The following BTBD9 variants were observed in gnomAD, a reference collection of about 807,000 sequenced individuals.
BTBD9 encodes BTB domain containing 9, also known as BTB/POZ domain-containing protein 9.
A neutral mutation model predicts 64.3 loss-of-function variants in BTBD9; 49 were observed. That is an observed-to-expected ratio of 0.76 (90% CI 0.61 to 0.97). The LOEUF (loss-of-function observed/expected upper bound fraction) is 0.97. Among genes scored for constraint, BTBD9 ranks in the 50% least tolerant of loss-of-function variants. The pLI, the probability that BTBD9 is intolerant of heterozygous loss-of-function variation, is 0.00. For missense variants in BTBD9, 598 were observed against 762.1 expected (o/e 0.78, Z 2.53); for synonymous variants, 260 against 274.7 (o/e 0.95, Z 0.53).
chr6:38,246,082 G>A (rs776412506), intron 9 of BTBD9, among the ~76,000 whole-genome samples: 4 of 152,174 alleles, frequency 2.6e-5, no homozygotes. Flanking sequence ...TCTGGGTAGA[G>A]AGGAGCCTCC....
At chr6:38,231,597 T>C (rs1042686997) in intron 9 of BTBD9, among the ~76,000 whole-genome samples, 7 of 152,204 alleles carry the variant, frequency 4.6e-5, no homozygotes, top group Admixed American at 4.6e-4. Flanking sequence ...AAGACTCTAT[T>C]TACAGTAGGA....
At chr6:38,512,361 C>T (rs1772814726) in intron 6 of BTBD9, among the ~76,000 whole-genome samples, 1 of 152,192 alleles carries the variant, frequency 6.6e-6, no homozygotes, top group African/African-American at 2.4e-5. Context: ...ACATACCAAA[C>T]CCCATATGGT....
chr6:38,385,525 A>G (rs957030500), intron 6 of BTBD9, among the ~76,000 whole-genome samples: 1 of 152,068 alleles, frequency 6.6e-6, no homozygotes, highest in African/African-American at 2.4e-5. Context: ...CTTAACAGTC[A>G]GCTGAAGTCT....
chr6:38,179,089 G>T (rs905527018), intron 10 of BTBD9, among the ~76,000 whole-genome samples: 2 of 152,092 alleles, frequency 1.3e-5, no homozygotes, highest in African/African-American at 4.8e-5. Context: ...TTGACCTCAT[G>T]ATCCGCCCAC....
chr6:38,280,533 A>G (rs1761470671), intron 8 of BTBD9, among the ~76,000 whole-genome samples: 1 of 152,210 alleles, frequency 6.6e-6, no homozygotes, highest in East Asian at 1.9e-4. Context: ...AGAGTCATAT[A>G]TTTAGATGTT....
chr6:38,331,424 G>A (rs1763671661), intron 7 of BTBD9, among the ~76,000 whole-genome samples: 1 of 152,172 alleles, frequency 6.6e-6, no homozygotes, highest in Admixed American at 6.5e-5. Context: ...GTTGCAGTGA[G>A]CTGAGATCAC....
chr6:38,361,782 G>A (rs147085069), intron 6 of BTBD9, among the ~76,000 whole-genome samples: 2,062 of 151,550 alleles, frequency 0.014, 25 homozygotes, highest in Middle Eastern at 0.024. Context: ...AGAATTTGCA[G>A]TGAGCCAAGA....
intron 1 of BTBD9, among the ~76,000 whole-genome samples, chr6:38,628,441 G>C (rs1778244385): frequency 6.6e-6 from 1 of 152,080 alleles, no homozygotes. Flanking sequence ...TAACAATTTT[G>C]AACCTACTTT....
At chr6:38,204,855 T>A (rs1247463574) in intron 9 of BTBD9, among the ~76,000 whole-genome samples, 2 of 152,096 alleles carry the variant, frequency 1.3e-5, no homozygotes, top group East Asian at 3.8e-4. Context: ...AACCCTAAAT[T>A]ATCCTCAGAA....
At chr6:38,182,121 G>T (rs1194938369) in intron 10 of BTBD9, among the ~76,000 whole-genome samples, 6 of 152,166 alleles carry the variant, frequency 3.9e-5, no homozygotes, top group African/African-American at 1.4e-4. Flanking sequence ...TTTGCACTAA[G>T]TATGGAGGTA....
chr6:38,618,736 T>C (rs1302606053), intron 1 of BTBD9, among the ~76,000 whole-genome samples: 2 of 152,202 alleles, frequency 1.3e-5, no homozygotes, highest in South Asian at 2.1e-4. Flanking sequence ...AGATATCCTA[T>C]AGGGTCTAGG....
intron 6 of BTBD9, among the ~76,000 whole-genome samples, chr6:38,403,085 A>T (rs932553379): frequency 2.5e-4 from 34 of 138,324 alleles, no homozygotes; most frequent in African/African-American, 7.9e-4. Flanking sequence ...AGGGGAGGGA[A>T]GGGGAGGGGA....
chr6:38,425,580 C>G (rs1768107645), intron 6 of BTBD9, among the ~76,000 whole-genome samples: 1 of 151,688 alleles, frequency 6.6e-6, no homozygotes, highest in Non-Finnish European at 1.5e-5. Flanking sequence ...AGAGGGAGTT[C>G]TAGTTTGTCC....
chr6:38,542,452 T>C (rs1225542669), intron 6 of BTBD9, among the ~76,000 whole-genome samples: 1 of 152,088 alleles, frequency 6.6e-6, no homozygotes, highest in East Asian at 1.9e-4. Context: ...ATGTTTGTCA[T>C]TACCACCCTC....
chr6:38,595,645 G>T, intron 2 of BTBD9: 2 of 266,342 alleles, frequency 7.5e-6, no homozygotes, highest in Non-Finnish European at 1.2e-5. Context: ...CTCAGAGTAG[G>T]ACTAGCATTT....
intron 6 of BTBD9, among the ~76,000 whole-genome samples, chr6:38,450,720 A>T (rs1473988349): frequency 1.3e-5 from 2 of 152,140 alleles, no homozygotes; most frequent in Non-Finnish European, 2.9e-5. Context: ...ATCGACTTAT[A>T]AAAAAATGTA....
chr6:38,617,758 G>A (rs551775670), intron 1 of BTBD9, among the ~76,000 whole-genome samples: 1 of 152,246 alleles, frequency 6.6e-6, no homozygotes, highest in South Asian at 2.1e-4. Context: ...CCCTCCCTCA[G>A]TGTATGGCCC....
intron 8 of BTBD9, among the ~76,000 whole-genome samples, chr6:38,285,279 G>C (rs998935591): frequency 1.3e-5 from 2 of 152,178 alleles, no homozygotes; most frequent in East Asian, 3.9e-4. Context: ...TTTGTGAGAT[G>C]TTTAGGCTGT....
intron 6 of BTBD9, among the ~76,000 whole-genome samples, chr6:38,543,780 A>T (rs1313658674): frequency 1.3e-5 from 2 of 152,050 alleles, no homozygotes; most frequent in African/African-American, 4.8e-5. Context: ...ACACAGTGAA[A>T]CCCCGTTTCT....
Sources: gnomAD v4.1 joint callset for allele counts (sites outside exome capture counted in the v4.1 genomes callset) on GRCh38, gnomAD v4.1.1 for gene constraint, MANE v1.5 for transcripts, NCBI Gene and HGNC (gene_info 2026-07-23, HGNC 2026-07-21) for gene names.